Variants in PCBP3 observed in about 807,000 individuals in gnomAD.
The protein encoded by PCBP3 is poly(rC)-binding protein 3.
A neutral mutation model predicts 52.7 loss-of-function variants in PCBP3; 25 were observed. That is an observed-to-expected ratio of 0.47 (90% confidence interval 0.35 to 0.66). The LOEUF is 0.66. Among genes scored for constraint, PCBP3 ranks in the 30% least tolerant of loss-of-function variants. The pLI is 0.01. For missense variants in PCBP3, 391 were observed against 490.3 expected, an observed-to-expected ratio of 0.80 and a Z score of 1.91; for synonymous variants, 162 against 183.0, an observed-to-expected ratio of 0.89 and a Z score of 0.93.
At chr21:45,846,160 G>A (rs555036635) in intron 4 of PCBP3, among the ~76,000 whole-genome samples, 2 of 152,316 alleles carry the variant, frequency 1.3e-5, no homozygotes, top group South Asian at 2.1e-4. Context: ...TCACTCTCTC[G>A]ATGTCTGGTC....
intron 4 of PCBP3, among the ~76,000 whole-genome samples, chr21:45,839,522 T>G (rs1046478408): frequency 6.6e-6 from 1 of 152,162 alleles, no homozygotes; most frequent in Non-Finnish European, 1.5e-5. Flanking sequence ...TCTTGTGGAG[T>G]CATATCTTTT....
At chr21:45,739,187 T>A (rs2086166839) in intron 3 of PCBP3, among the ~76,000 whole-genome samples, 1 of 84,654 alleles carries the variant, frequency 1.2e-5, no homozygotes, top group African/African-American at 4.7e-5. Context: ...CCCATCTTCA[T>A]CAGCCCACCC....
At chr21:45,828,422 A>C (rs116025450) in intron 4 of PCBP3, 1 of 152,172 alleles carries the variant, frequency 6.6e-6, no homozygotes, top group Non-Finnish European at 1.5e-5. Context: ...GAAGCTGCCC[A>C]CTGCCCTCCC....
chr21:45,769,303 GTTGGACGA>G (rs1486187865), intron 4 of PCBP3, among the ~76,000 whole-genome samples: 1 of 152,240 alleles, frequency 6.6e-6, no homozygotes, highest in Non-Finnish European at 1.5e-5. Flanking sequence ...TTGAGGGAGT[GTTGGACGA>G]CCCATTCCTC....
chr21:45,701,107 T>C (rs1308582852), intron 2 of PCBP3, among the ~76,000 whole-genome samples: 1 of 152,248 alleles, frequency 6.6e-6, no homozygotes, highest in African/African-American at 2.4e-5. Context: ...TATCAATTTC[T>C]AAAATTATTT....
intron 4 of PCBP3, 63 bp from the exon 5 acceptor site, chr21:45,849,898 C>T (rs1216401025): frequency 6.4e-6 from 4 of 620,408 alleles, no homozygotes; most frequent in Non-Finnish European, 1.2e-5. Flanking sequence ...CCGTTGAAGC[C>T]CAGTGCTGGC....
Position 45,683,637 on chromosome 21 carries a change from G to A in PCBP3, c.-200+14685G>A, listed in dbSNP as rs943463631. On this transcript the variant is annotated intron_variant, in intron 2 of 17. Transcript: ENST00000681687. ...GTTTATCACAGGAATCAATACACGT[G>A]AGTGTTTTAAAAATAAGGTGTTGCT... Among the ~76,000 whole-genome samples, 3 of 152,148 alleles carry A rather than the reference G, an allele frequency of 2.0e-5. No homozygotes were observed. In the East Asian group the frequency reaches 5.8e-4, roughly 29 times the overall value.
chr21:45,876,883 C>T (rs1041390624), intron 5 of PCBP3, among the ~76,000 whole-genome samples: 5 of 152,226 alleles, frequency 3.3e-5, no homozygotes, highest in East Asian at 3.9e-4. Flanking sequence ...GCTGCGACAG[C>T]GCTCGCTGCG....
intron 15 of PCBP3, among the ~76,000 whole-genome samples, chr21:45,933,547 G>T (rs541115057): frequency 4.3e-4 from 66 of 152,324 alleles, no homozygotes; most frequent in African/African-American, 1.3e-3. Flanking sequence ...AATCTTTTCA[G>T]TGACATTTTA....
intron 4 of PCBP3, among the ~76,000 whole-genome samples, chr21:45,768,673 C>T (rs2089586235): frequency 1.3e-5 from 2 of 152,228 alleles, no homozygotes; most frequent in African/African-American, 4.8e-5. Context: ...CAGTTGAGTG[C>T]ACACACTGCA....
chr21:45,646,103 C>CTGTGTG lies in PCBP3; in HGVS notation c.-279+2236_-279+2237insGTGTGT, dbSNP rs1269114772. On this transcript the variant is annotated intron_variant, in intron 1 of 17. Coordinates refer to ENST00000681687, the MANE Select transcript of PCBP3 (RefSeq NM_001384156.1). Reference sequence around the variant, plus strand: ...TCTCTTTCTCTCTCTCTCTCTCTCTCTCTCTGTGTGTGTGTGTGTGTGTGT... The same window carrying CTGTGTG: ...TCTCTTTCTCTCTCTCTCTCTCTCTCTGTGTGTCTCTGTGTGTGTGTGTGTGTGTGT... Among the ~76,000 whole-genome samples the CTGTGTG allele has an allele frequency of 3.2e-3, 248 of 76,946 alleles. 1 individual carries two copies. The highest frequency in any genetic ancestry group is 0.025 in the East Asian group (54 of 2,172). The allele number at this position is 76,946 out of a possible 152,430, so 50.5% of individuals were successfully genotyped here.
At chr21:45,677,461 G>A (rs2081540013) in intron 2 of PCBP3, among the ~76,000 whole-genome samples, 1 of 152,268 alleles carries the variant, frequency 6.6e-6, no homozygotes, top group African/African-American at 2.4e-5. Context: ...TAACATAAAA[G>A]TGCAAGGTAA....
intron 2 of PCBP3, among the ~76,000 whole-genome samples, chr21:45,726,241 A>G (rs147649558): frequency 1.3e-5 from 2 of 152,184 alleles, no homozygotes; most frequent in Non-Finnish European, 2.9e-5. Context: ...CAGATGTCCA[A>G]GTGGCTTGGC....
At chr21:45,799,332 T>C (rs2092189551) in intron 4 of PCBP3, among the ~76,000 whole-genome samples, 1 of 152,250 alleles carries the variant, frequency 6.6e-6, no homozygotes, top group Non-Finnish European at 1.5e-5. Flanking sequence ...TTTCACTTTC[T>C]GTGATTTCAG....
rs760479072 is a variant in PCBP3, at chr21:45,817,418, C to G, written c.-125-32543C>G. On this transcript the variant is annotated intron_variant, in intron 4 of 17. Transcript: ENST00000681687. This position sits in a 1 kb window ranked among gnomAD's most constrained non-coding sequence, Gnocchi z 4.3. ...TCTGCCATTCCTCATGGAGTCCTTG[C>G]GTGCACAGCATAGTATTTGGCCAAC... Among the ~76,000 whole-genome samples, 1 of 152,238 alleles carries G rather than the reference C, an allele frequency of 6.6e-6. No homozygotes were observed. Among genetic ancestry groups the G allele is most frequent in the Non-Finnish European group, 1.5e-5 (1 of 68,044 alleles).
rs531627222 is a variant in PCBP3, at chr21:45,876,098, G to A, written c.11-20110G>A. On this transcript the variant is annotated intron_variant, in intron 5 of 17. Transcript: ENST00000681687. The stretch of plus-strand genomic sequence containing the variant: ...CCACTAAGACTAGAGGGCCCGTGGA[G>A]CCTGAGATGTTGTGTGCAGCACCAG... Among the ~76,000 whole-genome samples the A allele has an allele frequency of 5.9e-5, 9 of 152,308 alleles. No homozygotes were observed. In the South Asian group the frequency reaches 1.7e-3, roughly 28 times the overall value.
chr21:45,651,678 T>C (rs1474047631), intron 1 of PCBP3, among the ~76,000 whole-genome samples: 1 of 152,248 alleles, frequency 6.6e-6, no homozygotes, highest in African/African-American at 2.4e-5. Context: ...CTCATCATGA[T>C]AAATAATGCT....
chr21:45,801,760 A>G (rs556553341), intron 4 of PCBP3, among the ~76,000 whole-genome samples: 2 of 152,236 alleles, frequency 1.3e-5, no homozygotes, highest in South Asian at 4.1e-4. Context: ...AGATCCTGTC[A>G]CTGCATTTGC....
intron 4 of PCBP3, among the ~76,000 whole-genome samples, chr21:45,797,393 T>C: frequency 1.1e-5 from 1 of 87,680 alleles, no homozygotes; most frequent in Non-Finnish European, 2.3e-5. Flanking sequence ...GATAGTTGAG[T>C]GCGTGGATCT....
Sources: allele counts gnomAD v4.1 joint callset (sites outside exome capture counted in the v4.1 genomes callset), GRCh38; gene constraint gnomAD v4.1.1; non-coding constraint Gnocchi (gnomAD v3.1); transcripts MANE v1.5; gene names NCBI Gene and HGNC (gene_info 2026-07-23, HGNC 2026-07-21).